The following C9 variants were observed in gnomAD, a reference collection of about 807,000 sequenced individuals.
C9 encodes the protein complement C9.
Under a neutral mutation model 65.4 loss-of-function variants are expected in C9, and 63 were observed. That is an observed-to-expected ratio of 0.96 (90% confidence interval 0.79 to 1.19). The LOEUF is 1.19. Ranked by LOEUF, C9 falls within the 50% of genes most tolerant of loss-of-function variation. The pLI, the probability that C9 is intolerant of heterozygous loss-of-function variation, is 0.00. For synonymous variants in C9, 229 were observed against 227.9 expected (o/e 1.00, Z -0.04); for missense variants, 744 against 670.1 (o/e 1.11, Z -1.22).
intron 9 of C9, among the ~76,000 whole-genome samples, chr5:39,295,131 T>C (rs1753160652): frequency 6.6e-6 from 1 of 151,416 alleles, no homozygotes; most frequent in Non-Finnish European, 1.5e-5. Flanking sequence ...AGCAGAAAGC[T>C]CTCCCTCTAA....
rs775040974 is a variant in C9 at position 39,329,427 on chromosome 5, TAAAG to T, written c.615+2245_615+2248del. On this transcript the variant is annotated intron_variant, in intron 5 of 10. Transcript: ENST00000263408. ...GGCATTATTATTTCTATTTTATAGA[TAAAG>T]AAACTGAGGCACAATGATGATAAGT... Among the ~76,000 whole-genome samples the T allele has an allele frequency of 3.9e-5, 6 of 152,286 alleles. No individual in the cohort carries two copies. The East Asian group carries it at 7.7e-4, about 20-fold the overall frequency.
chr5:39,293,704 G>A (rs983793882), intron 9 of C9, among the ~76,000 whole-genome samples: 1 of 151,940 alleles, frequency 6.6e-6, no homozygotes, highest in African/African-American at 2.4e-5. Context: ...TAGACCAAAT[G>A]AACCTAACAG....
chr5:39,287,199 C>T (rs1431128530), intron 10 of C9, among the ~76,000 whole-genome samples: 10 of 151,640 alleles, frequency 6.6e-5, no homozygotes, highest in Admixed American at 6.6e-4. Flanking sequence ...TTAATTGAGT[C>T]CTATTTGTCT....
intron 4 of C9, among the ~76,000 whole-genome samples, chr5:39,340,090 C>G (rs563254512): frequency 1.3e-5 from 2 of 152,192 alleles, no homozygotes; most frequent in African/African-American, 4.8e-5. Flanking sequence ...GGAGTCCTAT[C>G]CGGGAAAAGA....
chr5:39,296,231 T>G (rs1753183034), intron 9 of C9, among the ~76,000 whole-genome samples: 1 of 151,316 alleles, frequency 6.6e-6, no homozygotes, highest in Non-Finnish European at 1.5e-5. Context: ...AATCAACACG[T>G]GACCTGCAGA....
chr5:39,360,126 G>A (rs1339264697), intron 1 of C9, among the ~76,000 whole-genome samples: 2 of 152,148 alleles, frequency 1.3e-5, no homozygotes, highest in Non-Finnish European at 2.9e-5. Flanking sequence ...AGATTGTTGA[G>A]ATAAATTGAA....
At chr5:39,315,065 G>A (rs1205937485) in intron 6 of C9, among the ~76,000 whole-genome samples, 1 of 152,146 alleles carries the variant, frequency 6.6e-6, no homozygotes, top group Non-Finnish European at 1.5e-5. Flanking sequence ...CATGTAAATA[G>A]AGAGGTAATG....
intron 4 of C9, among the ~76,000 whole-genome samples, chr5:39,336,105 G>A (rs1753958542): frequency 6.6e-6 from 1 of 152,058 alleles, no homozygotes; most frequent in South Asian, 2.1e-4. Flanking sequence ...CCACTTTAAA[G>A]ATAAAATCAA....
rs751500923 is a variant in C9, at chr5:39,359,078, G to GTA, written c.77+5308_77+5309dup. On this transcript the variant is annotated intron_variant, in intron 1 of 10. Coordinates refer to ENST00000263408, the MANE Select transcript of C9 (RefSeq NM_001737.5). ...TATATGTGTATATATATATGTGTGTGTATATATATATGTGTGTGTGTGTGT... is the reference window on the plus strand; with the variant it reads ...TATATGTGTATATATATATGTGTGTGTATATATATATATGTGTGTGTGTGTGT... Among the ~76,000 whole-genome samples the GTA allele has an allele frequency of 1.8e-3, 211 of 116,906 alleles. 1 individual carries two copies. Among genetic ancestry groups the GTA allele is most frequent in the Non-Finnish European group, 3.1e-3 (176 of 57,568 alleles). 76.7% of individuals were successfully genotyped at this position (116,906 alleles called of 152,430 possible). A position where few individuals can be genotyped will look rare whatever the true frequency, so the allele number is the denominator to read the frequency against.
At position 39,288,741 on chromosome 5, in the gene C9, T is replaced by C. The variant is rs988475156; in HGVS notation, c.1627A>G (p.Lys543Glu). The C allele has an allele frequency of 5.0e-6, 8 of 1,609,094 alleles. No homozygotes were observed. The Admixed American group carries it at 6.7e-5, about 13-fold the overall frequency. Residue 543 changes from lysine to glutamate, a missense_variant, in exon 10 of 11, where the codon AAA becomes GAA. Lys to Glu is a moderately conservative substitution (Grantham distance 56, BLOSUM62 1). Coordinates refer to ENST00000263408, the MANE Select transcript of C9 (RefSeq NM_001737.5). ...TCCTCACCTTCAGAAATTTTTTGTT[T>C]ACTGATTTCACAGGCAATTCCCTCA... ...KFEGIACEIS[K>E]QKISEGLPAL...
At chr5:39,313,193 A>AT (rs1203063739) in intron 6 of C9, among the ~76,000 whole-genome samples, 1 of 152,104 alleles carries the variant, frequency 6.6e-6, no homozygotes, top group African/African-American at 2.4e-5. Context: ...GCCACTACCC[A>AT]TTTCTTTGCC....
chr5:39,308,153 G>T, intron 8 of C9, 77 bp downstream of exon 8: 2 of 1,267,706 alleles, frequency 1.6e-6, no homozygotes, highest in Non-Finnish European at 2.3e-6. Context: ...AATTAAGAGG[G>T]CTCATTGCAA....
chr5:39,301,798 ACTT>A (rs766312415), intron 9 of C9, among the ~76,000 whole-genome samples: 2 of 152,112 alleles, frequency 1.3e-5, no homozygotes, highest in African/African-American at 2.4e-5. Context: ...TATATCAAGA[ACTT>A]CTACAAAGTC....
At chr5:39,360,211 T>C (rs1216003222) in intron 1 of C9, among the ~76,000 whole-genome samples, 1 of 152,218 alleles carries the variant, frequency 6.6e-6, no homozygotes, top group African/African-American at 2.4e-5. Flanking sequence ...CTTAAGCCTT[T>C]GTATTTATCA....
intron 9 of C9, among the ~76,000 whole-genome samples, chr5:39,306,270 G>C (rs1753375014): frequency 6.6e-6 from 1 of 152,048 alleles, no homozygotes; most frequent in Non-Finnish European, 1.5e-5. Context: ...CGACGGGAGG[G>C]AACTAATCAT....
chr5:39,334,096 C>A (rs1324329551), intron 4 of C9, among the ~76,000 whole-genome samples: 2 of 150,762 alleles, frequency 1.3e-5, no homozygotes, highest in African/African-American at 4.9e-5. Flanking sequence ...TGAGGAGCCC[C>A]TCTGCCTGGC....
chr5:39,295,241 T>C (rs1447643465), intron 9 of C9, among the ~76,000 whole-genome samples: 3 of 151,698 alleles, frequency 2.0e-5, no homozygotes, highest in Admixed American at 6.6e-5. Context: ...AAAGGACACC[T>C]AAATTGGAAA....
chr5:39,307,910 T>C (rs1753409531), intron 8 of C9, among the ~76,000 whole-genome samples: 1 of 152,140 alleles, frequency 6.6e-6, no homozygotes, highest in Admixed American at 6.6e-5. Flanking sequence ...GAAGCTTTGT[T>C]AAAATTAGGG....
intron 6 of C9, among the ~76,000 whole-genome samples, chr5:39,313,497 A>G (rs892996521): frequency 2.0e-5 from 3 of 152,180 alleles, no homozygotes. Context: ...TTCTCAAACT[A>G]TAAAATGTGA....
Sources: allele counts gnomAD v4.1 joint callset (sites outside exome capture counted in the v4.1 genomes callset), GRCh38; gene constraint gnomAD v4.1.1; transcripts MANE v1.5; gene names NCBI Gene and HGNC (gene_info 2026-07-23, HGNC 2026-07-21).